IDE: variants seen among roughly 807,000 people sequenced by gnomAD.
The protein encoded by IDE is insulin degrading enzyme.
In IDE, 58 loss-of-function variants were observed where a neutral mutation model predicts 133.2. The observed-to-expected ratio is 0.44, with a 90% CI of 0.35 to 0.54. IDE has a LOEUF of 0.54. IDE is among the 20% of genes least tolerant of loss of function. The pLI, the probability that IDE is intolerant of heterozygous loss-of-function variation, is 0.00. For missense variants in IDE, 981 were observed against 1,234.0 expected (o/e 0.79, Z 3.07); for synonymous variants, 396 against 421.3 (o/e 0.94, Z 0.73).
chr10:92,511,035 A>AT (rs1848596367), intron 5 of IDE, among the ~76,000 whole-genome samples: 1 of 148,364 alleles, frequency 6.7e-6, no homozygotes, highest in African/African-American at 2.5e-5. Flanking sequence ...GTGGAATTAA[A>AT]TTTTTTCCAT....
chr10:92,533,282 C>T (rs1284994798), intron 3 of IDE, among the ~76,000 whole-genome samples: 1 of 152,072 alleles, frequency 6.6e-6, no homozygotes, highest in African/African-American at 2.4e-5. Context: ...AGTGTATGAT[C>T]CCAGGGAACT....
chr10:92,514,446 T>G (rs1221530001), intron 5 of IDE, among the ~76,000 whole-genome samples: 1 of 151,892 alleles, frequency 6.6e-6, no homozygotes, highest in African/African-American at 2.4e-5. Context: ...TTTTGTGTGT[T>G]TTTTTTTAAT....
At chr10:92,525,928 G>A (rs1260949354) in intron 4 of IDE, among the ~76,000 whole-genome samples, 1 of 151,988 alleles carries the variant, frequency 6.6e-6, no homozygotes, top group Non-Finnish European at 1.5e-5. Context: ...AGGCCAAGGT[G>A]GGCAGATCAC....
intron 4 of IDE, among the ~76,000 whole-genome samples, chr10:92,521,546 T>C (rs932483676): frequency 6.6e-6 from 1 of 151,964 alleles, no homozygotes; most frequent in African/African-American, 2.4e-5. Context: ...TTAAAAGACA[T>C]ATCAGACTGG....
rs1030781115 is a variant in IDE at position 92,482,107 on chromosome 10, G to C, written c.1739+1148C>G. On this transcript the variant is annotated intron_variant, in intron 14 of 24. Coordinates refer to ENST00000265986, the MANE Select transcript of IDE (RefSeq NM_004969.4). ...TCACTATAATCTCAACATATTTGTTGATGGAAAATCAAATTCCTTTCCCTC... is the reference window on the plus strand; with the variant it reads ...TCACTATAATCTCAACATATTTGTTCATGGAAAATCAAATTCCTTTCCCTC... 2.6e-5 allele frequency among the ~76,000 whole-genome samples: 4 copies of C among 152,086 alleles called. No homozygotes were observed. In the South Asian group the frequency reaches 6.2e-4, roughly 24 times the overall value.
chr10:92,509,010 C>T, intron 6 of IDE, 120 bp from the exon 7 acceptor site: 1 of 738,790 alleles, frequency 1.4e-6, no homozygotes. Context: ...TCAATTGCCA[C>T]AGAAAATGAT....
At chr10:92,555,497 CAAA>C (rs71306837) in intron 1 of IDE, among the ~76,000 whole-genome samples, 3 of 91,948 alleles carry the variant, frequency 3.3e-5, no homozygotes, top group Admixed American at 1.1e-4. Flanking sequence ...AACTTTGTCT[CAAA>C]AAAAAAAAAA....
Position 92,515,018 on chromosome 10 carries a change from C to G in IDE, c.686G>C (p.Arg229Thr), listed in dbSNP as rs1589453877. The G allele has an allele frequency of 5.0e-6, 8 of 1,611,346 alleles. No individual in the cohort carries two copies. The highest frequency in any genetic ancestry group is 6.8e-6 in the Non-Finnish European group (8 of 1,178,080). The change falls in exon 5 of 25, where the codon AGA becomes ACA. Residue 229 changes from arginine (R) to threonine (T), a missense_variant. Transcript: ENST00000265986. ...TACATCAATGCCTTCTTGGTTTGGTCTAGTCTCCAGAGTATATTTGTTACC... is the reference window on the plus strand; with the variant it reads ...TACATCAATGCCTTCTTGGTTTGGTGTAGTCTCCAGAGTATATTTGTTACC... ...GTGNKYTLET[R>T]PNQEGIDVRQ... is the part of the protein sequence containing the mutation.
intron 1 of IDE, among the ~76,000 whole-genome samples, chr10:92,571,954 G>A (rs920887623): frequency 2.6e-5 from 4 of 152,120 alleles, no homozygotes; most frequent in African/African-American, 9.7e-5. Context: ...CTAAAACTAT[G>A]CCCTAATCCC....
intron 11 of IDE, among the ~76,000 whole-genome samples, chr10:92,501,014 C>G (rs1405862559): frequency 6.7e-6 from 1 of 148,336 alleles, no homozygotes; most frequent in East Asian, 2.0e-4. Context: ...GCACTCCAGC[C>G]TGGGCGACAG....
Position 92,537,458 on chromosome 10 carries a change from T to C in IDE, c.191A>G (p.Tyr64Cys). 2.5e-6 allele frequency: 4 copies of C among 1,614,034 alleles called. No homozygotes were observed. Among genetic ancestry groups the C allele is most frequent in the Non-Finnish European group, 2.5e-6 (3 of 1,179,880 alleles). The stretch of plus-strand genomic sequence containing the variant: ...ACCATTGGCCAGCTCTAGCCCTCGA[T>C]ATTCTCGCTTGTCTTCAGGAGACTT... ...ITKSPEDKRE[Y>C]RGLELANGIK... The change falls in exon 2 of 25, where the codon TAT (tyrosine) becomes TGT (cysteine). Residue 64 changes from tyrosine to cysteine, a missense_variant. By Grantham distance (194) the Tyr-to-Cys change is radical. Coordinates refer to ENST00000265986, the MANE Select transcript of IDE (RefSeq NM_004969.4).
intron 17 of IDE, among the ~76,000 whole-genome samples, chr10:92,473,743 G>T (rs1222194950): frequency 6.6e-6 from 1 of 152,132 alleles, no homozygotes; most frequent in African/African-American, 2.4e-5. Flanking sequence ...CATGCTGGGA[G>T]GCCAAGGCAG....
chr10:92,560,084 TTGC>T (rs1843205799), intron 1 of IDE, among the ~76,000 whole-genome samples: 1 of 152,204 alleles, frequency 6.6e-6, no homozygotes, highest in African/African-American at 2.4e-5. Flanking sequence ...TCTGCCCCTT[TTGC>T]TGTTTTATGA....
intron 4 of IDE, among the ~76,000 whole-genome samples, chr10:92,518,948 T>C (rs1026487403): frequency 2.0e-4 from 30 of 152,320 alleles, no homozygotes; most frequent in African/African-American, 7.2e-4. Flanking sequence ...AGTGCATTTG[T>C]AACGTTCTCT....
intron 22 of IDE, among the ~76,000 whole-genome samples, chr10:92,458,502 T>G (rs1334974039): frequency 3.5e-5 from 3 of 85,932 alleles, no homozygotes; most frequent in African/African-American, 9.6e-5. Flanking sequence ...TTTTTTTTTT[T>G]TTTTTTTTTT....
chr10:92,469,901 T>C (rs1165124898), intron 18 of IDE, among the ~76,000 whole-genome samples: 1 of 152,154 alleles, frequency 6.6e-6, no homozygotes, highest in Non-Finnish European at 1.5e-5. Context: ...ACAGATCTAG[T>C]ATATAGCAGA....
intron 12 of IDE, among the ~76,000 whole-genome samples, chr10:92,488,552 C>G (rs560021249): frequency 6.6e-6 from 1 of 152,004 alleles, no homozygotes; most frequent in African/African-American, 2.4e-5. Context: ...CCAAGATGTG[C>G]AGATCACGAG....
At position 92,460,642 on chromosome 10, in the gene IDE, G is replaced by A. The variant is rs1469511114; in HGVS notation, c.2823+549C>T. Among the ~76,000 whole-genome samples, 8 of 152,292 alleles carry A rather than the reference G, an allele frequency of 5.3e-5. No homozygotes were observed. The East Asian group carries it at 1.3e-3, about 26-fold the overall frequency. On this transcript the variant is annotated intron_variant, in intron 22 of 24. Coordinates refer to ENST00000265986, the MANE Select transcript of IDE (RefSeq NM_004969.4). ...ATTTGCAAAATATCTCATAATGTGG[G>A]CTGTACATGGCCCGCAGGCTGCAGG... is the stretch of plus-strand genomic sequence containing the variant.
rs748392261 is a variant in IDE, at chr10:92,531,863, C to G, written c.546G>C (p.Glu182Asp). 8 of 1,581,690 alleles carry G rather than the reference C, an allele frequency of 5.1e-6. No homozygotes were observed. Among genetic ancestry groups the G allele is most frequent in the Non-Finnish European group, 6.9e-6 (8 of 1,160,594 alleles). The change falls in exon 4 of 25, where the codon GAG becomes GAC. Residue 182 changes from glutamate (E) to aspartate (D), a missense_variant. Around this residue, in one of 2 missense-constraint regions of IDE, gnomAD observed 321 missense variants for 339.3 expected, o/e 0.95. Coordinates refer to ENST00000265986, the MANE Select transcript of IDE (RefSeq NM_004969.4). ...CATGTTCTGAATCAACTGCATTCAC[C>G]TCTCTGTCTTTGCAACTTTCATCGA... ...PLFDESCKDR[E>D]VNAVDSEHEK... is the part of the protein sequence containing the mutation.
Sources: allele counts gnomAD v4.1 joint callset (sites outside exome capture counted in the v4.1 genomes callset), GRCh38; gene constraint gnomAD v4.1.1; regional missense constraint gnomAD v4.1.1; transcripts MANE v1.5; gene names NCBI Gene and HGNC (gene_info 2026-07-23, HGNC 2026-07-21).